The following GALNT9 variants were observed in gnomAD, a reference collection of about 807,000 sequenced individuals.
The protein encoded by GALNT9 is GalNAc transferase 9.
Under a neutral mutation model 63.1 loss-of-function variants are expected in GALNT9, and 47 were observed. That is an observed-to-expected ratio of 0.75 (90% CI 0.59 to 0.95). GALNT9 has a LOEUF of 0.95. Among genes scored for constraint, GALNT9 ranks in the 40% least tolerant of loss-of-function variants. GALNT9 has a pLI of 0.00. For missense variants in GALNT9, 829 were observed against 874.8 expected (o/e 0.95, Z 0.66); for synonymous variants, 396 against 365.7 (o/e 1.08, Z -0.94).
chr12:132,293,664 G>A (rs1360029140), intron 1 of GALNT9, among the ~76,000 whole-genome samples: 1 of 152,256 alleles, frequency 6.6e-6, no homozygotes, highest in African/African-American at 2.4e-5. Context: ...GTCGGAGCTG[G>A]ATGGAGAAGG....
At position 132,238,745 on chromosome 12, in the gene GALNT9, T is replaced by C. The variant is rs1405239765; in HGVS notation, c.1077+9165A>G. ...GGGAGGGGCCAGGAGAATGACAGCC[T>C]GATTCCTCCGCCCCCTCATCTGCAG... On this transcript the variant is annotated intron_variant, in intron 6 of 10. Coordinates refer to ENST00000328957, the MANE Select transcript of GALNT9 (RefSeq NM_001122636.2). This position sits in a 1 kb window ranked among gnomAD's most constrained non-coding sequence, Gnocchi z 6.5. Among the ~76,000 whole-genome samples, 1 of 152,176 alleles carries C rather than the reference T, an allele frequency of 6.6e-6. No homozygotes were observed. The highest frequency in any genetic ancestry group is 1.5e-5 in the Non-Finnish European group (1 of 68,016).
chr12:132,280,881 A>C (rs575953551), intron 2 of GALNT9: 4 of 152,298 alleles, frequency 2.6e-5, no homozygotes, highest in Non-Finnish European at 5.9e-5. Context: ...GTGGGATCTG[A>C]ATAAAGAGAC....
At chr12:132,259,177 GAC>G (rs1937927583) in intron 4 of GALNT9, among the ~76,000 whole-genome samples, 1 of 152,230 alleles carries the variant, frequency 6.6e-6, no homozygotes, top group African/African-American at 2.4e-5. Context: ...CCTTTGTGGA[GAC>G]AGTTACGGGA....
Position 132,196,579 on chromosome 12 carries a change from T to G in GALNT9, c.*528A>C. The G allele has an allele frequency of 8.1e-6, 8 of 986,710 alleles. No individual in the cohort carries two copies. Among genetic ancestry groups the G allele is most frequent in the Non-Finnish European group, 9.6e-6 (8 of 830,912 alleles). The allele number at this position is 986,710 out of a possible 1,614,324, so 61.1% of individuals were successfully genotyped here. On this transcript the variant is annotated 3_prime_UTR_variant, in exon 11 of 11. Coordinates refer to ENST00000328957, the MANE Select transcript of GALNT9 (RefSeq NM_001122636.2). Reference sequence around the variant, plus strand: ...CCAGCCTCCTAGACACGGCCTCAGGTTTGTCGCTGTCCATGTCCTCCAGCA... The same window carrying G: ...CCAGCCTCCTAGACACGGCCTCAGGGTTGTCGCTGTCCATGTCCTCCAGCA...
intron 6 of GALNT9, among the ~76,000 whole-genome samples, chr12:132,223,124 CCACA>C (rs1294398647): frequency 9.0e-6 from 1 of 111,332 alleles, no homozygotes; most frequent in Non-Finnish European, 1.9e-5. Flanking sequence ...CCCAGACACC[CCACA>C]CACACCCCAC....
In GALNT9 at chr12:132,286,515, C is replaced by CCGA; in HGVS notation, c.239-88_239-86dup. 6.9e-7 allele frequency: 1 copy of CCGA among 1,453,186 alleles called. No homozygotes were observed. The highest frequency in any genetic ancestry group is 2.6e-5 in the Admixed American group (1 of 38,608). 90.0% of individuals were successfully genotyped at this position (1,453,186 alleles called of 1,614,324 possible). A position where few individuals can be genotyped will look rare whatever the true frequency, so the allele number is the denominator to read the frequency against. On this transcript the variant is annotated intron_variant, in intron 1 of 10. Coordinates refer to ENST00000328957, the MANE Select transcript of GALNT9 (RefSeq NM_001122636.2). This position sits in a 1 kb window ranked among gnomAD's most constrained non-coding sequence, Gnocchi z 7.4. ...GGAGACGCCCCTCCCGCCCCTCTCC[C>CCGA]CGACGGCCGCTTCCCCCGGTACAAG...
At chr12:132,308,894 C>G (rs1489220173) in intron 1 of GALNT9, among the ~76,000 whole-genome samples, 8 of 151,132 alleles carry the variant, frequency 5.3e-5, no homozygotes, top group Non-Finnish European at 1.2e-4. Flanking sequence ...GCCGCACTCA[C>G]GCCTCACCCA....
intron 1 of GALNT9, among the ~76,000 whole-genome samples, chr12:132,297,852 C>G (rs782271408): frequency 5.0e-4 from 76 of 151,660 alleles, no homozygotes; most frequent in Non-Finnish European, 9.7e-4. Context: ...CTGAGAAAAC[C>G]AACTCCCAAG....
intron 6 of GALNT9, among the ~76,000 whole-genome samples, chr12:132,216,316 G>A (rs748248446): frequency 2.0e-5 from 3 of 152,228 alleles, no homozygotes; most frequent in Non-Finnish European, 4.4e-5. Context: ...GAGGGGCACA[G>A]CCCCTTGCTT....
chr12:132,203,102 G>A (rs1267331493), intron 7 of GALNT9, among the ~76,000 whole-genome samples: 18 of 152,162 alleles, frequency 1.2e-4, no homozygotes, highest in Non-Finnish European at 1.5e-5. Context: ...CCGCCAGACA[G>A]TTGAGGCTGC....
intron 1 of GALNT9, among the ~76,000 whole-genome samples, chr12:132,300,932 T>G (rs1555243787): frequency 6.6e-6 from 1 of 152,272 alleles, no homozygotes; most frequent in Non-Finnish European, 1.5e-5. Context: ...CAGACCTCTC[T>G]CAATGCCATG....
At chr12:132,248,111 A>G (rs1878785619) in intron 5 of GALNT9, 84 bp from the exon 6 acceptor site, 4 of 1,482,696 alleles carry the variant, frequency 2.7e-6, no homozygotes, top group Non-Finnish European at 1.8e-6. Flanking sequence ...GAAAGCCTGG[A>G]AGACCCCACC....
At chr12:132,253,868 C>A (rs28452350) in intron 5 of GALNT9, among the ~76,000 whole-genome samples, 30,844 of 152,098 alleles carry the variant, frequency 0.2, 3,285 homozygotes, top group Middle Eastern at 0.36. Context: ...TGGCTCTGTG[C>A]CAGAAGCCTG....
chr12:132,213,480 C>CCACACCCAGT lies in GALNT9; in HGVS notation c.1078-9791_1078-9790insACTGGGTGTG, dbSNP rs113232434. The stretch of plus-strand genomic sequence containing the variant: ...CCCCCACACACAGGCACACTCACAC[C>CCACACCCAGT]CACACACACGCACTCCACTCACACA... On this transcript the variant is annotated intron_variant, in intron 6 of 10. Coordinates refer to ENST00000328957, the MANE Select transcript of GALNT9 (RefSeq NM_001122636.2). Among the ~76,000 whole-genome samples, 1,028 of 150,660 alleles carry CCACACCCAGT rather than the reference C, an allele frequency of 6.8e-3. 9 individuals carry two copies. The highest frequency in any genetic ancestry group is 0.024 in the African/African-American group (970 of 41,012).
At chr12:132,269,983 G>A (rs1305795488) in intron 2 of GALNT9, among the ~76,000 whole-genome samples, 2 of 152,196 alleles carry the variant, frequency 1.3e-5, no homozygotes, top group Admixed American at 1.3e-4. Flanking sequence ...AGGTGACTTC[G>A]GTCTCCAGCT....
At chr12:132,240,164 T>G (rs1555236767) in intron 6 of GALNT9, among the ~76,000 whole-genome samples, 1 of 152,152 alleles carries the variant, frequency 6.6e-6, no homozygotes, top group East Asian at 1.9e-4. Flanking sequence ...CAAGCGTATT[T>G]AGGGGACGTT....
intron 6 of GALNT9, among the ~76,000 whole-genome samples, chr12:132,235,288 G>C (rs1185309824): frequency 6.6e-6 from 1 of 151,988 alleles, no homozygotes; most frequent in Admixed American, 6.6e-5. Context: ...GGAGCCGGGT[G>C]CGGTGGGCGC....
chr12:132,271,116 C>T (rs989282123), intron 2 of GALNT9, among the ~76,000 whole-genome samples: 1 of 152,218 alleles, frequency 6.6e-6, no homozygotes, highest in Non-Finnish European at 1.5e-5. Context: ...GTCCCCCATG[C>T]GCCCTTCAGT....
chr12:132,251,445 G>A (rs1878912494), intron 5 of GALNT9, among the ~76,000 whole-genome samples: 1 of 152,194 alleles, frequency 6.6e-6, no homozygotes, highest in African/African-American at 2.4e-5. Flanking sequence ...GAGGGGAGCG[G>A]CTGCTCTCGT....
Sources: allele counts gnomAD v4.1 joint callset (sites outside exome capture counted in the v4.1 genomes callset), GRCh38; gene constraint gnomAD v4.1.1; non-coding constraint Gnocchi (gnomAD v3.1); transcripts MANE v1.5; gene names NCBI Gene and HGNC (gene_info 2026-07-23, HGNC 2026-07-21).